TMEM8B: variants seen among roughly 807,000 people sequenced by gnomAD.
The protein encoded by TMEM8B is transmembrane protein 8B.
A neutral mutation model predicts 49.3 loss-of-function variants in TMEM8B; 29 were observed. That is an observed-to-expected ratio of 0.59 (90% CI 0.44 to 0.80). The LOEUF is 0.80. TMEM8B is among the 30% of genes least tolerant of loss of function. The pLI, the probability that TMEM8B is intolerant of heterozygous loss-of-function variation, is 0.00. For synonymous variants in TMEM8B, 264 were observed against 272.8 expected (o/e 0.97, Z 0.32); for missense variants, 575 against 658.5 (o/e 0.87, Z 1.39).
At chr9:35,838,412 C>T (rs964226798) in intron 3 of TMEM8B, among the ~76,000 whole-genome samples, 1 of 151,960 alleles carries the variant, frequency 6.6e-6, no homozygotes, top group Non-Finnish European at 1.5e-5. Flanking sequence ...TGTCTCCTTT[C>T]CTGGCCTCTC....
chr9:35,837,610 T>C (rs1443534875), intron 3 of TMEM8B, among the ~76,000 whole-genome samples: 1 of 152,108 alleles, frequency 6.6e-6, no homozygotes. Context: ...TGAAAGGTTG[T>C]AAAAAAGAAG....
rs938164938 is a variant in TMEM8B, at chr9:35,841,802, C to T, written c.1309+8C>T. ...TGTGTGTGCGGTTGCAAGGTCAGAACCCCTGCATTTGCCCCAGTCTGTGTA... is the reference window on the plus strand; with the variant it reads ...TGTGTGTGCGGTTGCAAGGTCAGAATCCCTGCATTTGCCCCAGTCTGTGTA... On this transcript the variant is annotated splice_region_variant and intron_variant, in intron 5 of 12. Coordinates refer to ENST00000643932, the MANE Select transcript of TMEM8B (RefSeq NM_001042590.4). This position sits in a 1 kb window ranked among gnomAD's most constrained non-coding sequence, Gnocchi z 5.9. 5 of 415,938 alleles carry T rather than the reference C, an allele frequency of 1.2e-5. No individual in the cohort carries two copies. In the Admixed American group the frequency reaches 1.8e-4, roughly 15 times the overall value. 25.8% of individuals were successfully genotyped at this position (415,938 alleles called of 1,614,324 possible).
chr9:35,830,839 G>A (rs1257989754), intron 1 of TMEM8B, among the ~76,000 whole-genome samples: 1 of 152,256 alleles, frequency 6.6e-6, no homozygotes, highest in Non-Finnish European at 1.5e-5. Flanking sequence ...GGACAGAAGA[G>A]AGAGAGGTCC....
Position 35,845,777 on chromosome 9 carries a change from T to C in TMEM8B, c.1636-198T>C. 3.0e-6 allele frequency: 3 copies of C among 985,400 alleles called. No homozygotes were observed. The South Asian group carries it at 1.4e-4, about 46-fold the overall frequency. The allele number at this position is 985,400 out of a possible 1,614,324, so 61.0% of individuals were successfully genotyped here. Reference sequence around the variant, plus strand: ...TGCCGTCTCATCAGTCCTTGAAAGATTTCTGCTGTGGAGGATCTGTTGTTT... The same window carrying C: ...TGCCGTCTCATCAGTCCTTGAAAGACTTCTGCTGTGGAGGATCTGTTGTTT... On this transcript the variant is annotated intron_variant, in intron 6 of 12. Transcript: ENST00000643932.
intron 3 of TMEM8B, among the ~76,000 whole-genome samples, chr9:35,840,663 T>TTGG (rs1830886415): frequency 6.6e-6 from 1 of 151,712 alleles, no homozygotes; most frequent in South Asian, 2.1e-4. Context: ...AAGGTTGAGA[T>TTGG]TGGTGGCGGG....
At chr9:35,831,432 A>T (rs1020870130) in intron 1 of TMEM8B, among the ~76,000 whole-genome samples, 5 of 152,160 alleles carry the variant, frequency 3.3e-5, no homozygotes, top group Non-Finnish European at 7.4e-5. Context: ...GCAGTGTTGC[A>T]TGCCTCCCAT....
chr9:35,854,512 C>G lies in TMEM8B; in HGVS notation c.*672C>G, dbSNP rs976152370. On this transcript the variant is annotated 3_prime_UTR_variant, in exon 13 of 13. Coordinates refer to ENST00000643932, the MANE Select transcript of TMEM8B (RefSeq NM_001042590.4). ...AGGGCCCCTCAGGGAATCAGCAGGGCTGATGGGAGCTACTGCCGGAGGCTT... is the reference window on the plus strand; with the variant it reads ...AGGGCCCCTCAGGGAATCAGCAGGGGTGATGGGAGCTACTGCCGGAGGCTT... The G allele has an allele frequency of 5.9e-5, 9 of 152,142 alleles. No individual in the cohort carries two copies. The highest frequency in any genetic ancestry group is 1.3e-4 in the Admixed American group (2 of 15,274). 9.4% of individuals were successfully genotyped at this position (152,142 alleles called of 1,614,324 possible). A position where few individuals can be genotyped will look rare whatever the true frequency, so the allele number is the denominator to read the frequency against.
In TMEM8B at chr9:35,860,926, G is replaced by A. The variant is rs559738069; in HGVS notation, c.*7086G>A. 2 of 152,420 alleles carry A rather than the reference G, an allele frequency of 1.3e-5. No homozygotes were observed. Among genetic ancestry groups the A allele is most frequent in the East Asian group, 3.9e-4 (2 of 5,186 alleles). 9.4% of individuals were successfully genotyped at this position (152,420 alleles called of 1,614,324 possible). A position where few individuals can be genotyped will look rare whatever the true frequency, so the allele number is the denominator to read the frequency against. On this transcript the variant is annotated 3_prime_UTR_variant, in exon 13 of 13. Coordinates refer to ENST00000643932, the MANE Select transcript of TMEM8B (RefSeq NM_001042590.4). ...CAGGTGACCTCCATCGCCATGCAGA[G>A]CTGCTCTCACTTCTCCTCGGGAAAG...
rs1467183769 is a variant in TMEM8B, at chr9:35,861,002, T to C, written c.*7162T>C. On this transcript the variant is annotated 3_prime_UTR_variant, in exon 13 of 13. Coordinates refer to ENST00000643932, the MANE Select transcript of TMEM8B (RefSeq NM_001042590.4). ...AAGCCCAGGTGTGTCCAGAGAACAG[T>C]AGTCTTGTTAGAACTGGAAAAATGT... 1.3e-5 allele frequency: 2 copies of C among 152,248 alleles called. No individual in the cohort carries two copies. The highest frequency in any genetic ancestry group is 2.9e-5 in the Non-Finnish European group (2 of 68,066). The allele number at this position is 152,248 out of a possible 1,614,324, so 9.4% of individuals were successfully genotyped here.
chr9:35,846,235 T>C (rs1259281119), intron 7 of TMEM8B, 23 bp from the exon 8 acceptor site: 2 of 1,613,648 alleles, frequency 1.2e-6, no homozygotes, highest in African/African-American at 1.3e-5. Context: ...TCCCTCTCAC[T>C]GACTCCTTCC....
chr9:35,841,278 G>T lies in TMEM8B; in HGVS notation c.1040+11G>T. ...CTCAGCCCTGTACAAGTAAGTCAAAGACTCCCCACACCTGGTCCTTTCCCT... is the reference window on the plus strand; with the variant it reads ...CTCAGCCCTGTACAAGTAAGTCAAATACTCCCCACACCTGGTCCTTTCCCT... On this transcript the variant is annotated intron_variant, in intron 4 of 12. Coordinates refer to ENST00000643932, the MANE Select transcript of TMEM8B (RefSeq NM_001042590.4). The surrounding 1 kb of genome is among the most constrained non-coding windows in gnomAD (Gnocchi z 5.9). 4.8e-6 allele frequency: 2 copies of T among 416,124 alleles called. No homozygotes were observed. The highest frequency in any genetic ancestry group is 7.1e-5 in the East Asian group (2 of 28,064). 25.8% of individuals were successfully genotyped at this position (416,124 alleles called of 1,614,324 possible).
chr9:35,840,128 G>A (rs1418474954), intron 3 of TMEM8B, among the ~76,000 whole-genome samples: 1 of 152,194 alleles, frequency 6.6e-6, no homozygotes. Flanking sequence ...GAGGAACTGC[G>A]ACAAATGGGA....
intron 6 of TMEM8B, chr9:35,845,767 C>T: frequency 1.0e-6 from 1 of 985,430 alleles, no homozygotes; most frequent in Non-Finnish European, 1.2e-6. Context: ...TCTCATCAGT[C>T]CTTGAAAGAT....
Position 35,842,375 on chromosome 9 carries a change from T to C in TMEM8B, c.1310-17T>C. The C allele has an allele frequency of 6.7e-7, 1 of 1,492,886 alleles. No individual in the cohort carries two copies. Among genetic ancestry groups the C allele is most frequent in the Non-Finnish European group, 8.9e-7 (1 of 1,119,418 alleles). 92.5% of individuals were successfully genotyped at this position (1,492,886 alleles called of 1,614,324 possible). On this transcript the variant is annotated splice_polypyrimidine_tract_variant and intron_variant, in intron 5 of 12. Coordinates refer to ENST00000643932, the MANE Select transcript of TMEM8B (RefSeq NM_001042590.4). This position sits in a 1 kb window ranked among gnomAD's most constrained non-coding sequence, Gnocchi z 5.6. ...TAAAGGCTGCAGGCCCAAGCTCTGG[T>C]TTCCTCTGCCCCACAGAGTGCCCAC...
In TMEM8B at chr9:35,842,840, A is replaced by G. The variant is rs1588150847; in HGVS notation, c.1635+123A>G. On this transcript the variant is annotated intron_variant, in intron 6 of 12. Coordinates refer to ENST00000643932, the MANE Select transcript of TMEM8B (RefSeq NM_001042590.4). This position sits in a 1 kb window ranked among gnomAD's most constrained non-coding sequence, Gnocchi z 5.6. ...CCAGGTTGCTCCCACCCATCCTGAC[A>G]ATTAGGGACCATGGCTCAGCCCAAT... 2.0e-6 allele frequency: 2 copies of G among 1,016,946 alleles called. No homozygotes were observed. Among genetic ancestry groups the G allele is most frequent in the East Asian group, 5.3e-5 (2 of 37,472 alleles). The allele number at this position is 1,016,946 out of a possible 1,614,324, so 63.0% of individuals were successfully genotyped here.
In TMEM8B at chr9:35,829,257, C is replaced by G. The variant is rs1188402501; in HGVS notation, c.-191C>G. The G allele has an allele frequency of 2.8e-6, 1 of 353,824 alleles. No homozygotes were observed. Among genetic ancestry groups the G allele is most frequent in the Non-Finnish European group, 5.1e-6 (1 of 196,494 alleles). 21.9% of individuals were successfully genotyped at this position (353,824 alleles called of 1,614,324 possible). On this transcript the variant is annotated 5_prime_UTR_variant, in exon 1 of 13. Transcript: ENST00000643932. ...CGACGTCAAGTCGAGGCCGCCGCCG[C>G]GGGGCCTGGTTATCGCCGGTTCAGC...
rs756601635 is a variant in TMEM8B, at chr9:35,852,811, T to C, written c.2176-16T>C. 16 of 1,614,064 alleles carry C rather than the reference T, an allele frequency of 9.9e-6. No individual in the cohort carries two copies. The highest frequency in any genetic ancestry group is 1.7e-5 in the Admixed American group (1 of 60,022). The stretch of plus-strand genomic sequence containing the variant: ...CTGCCTCAAGTTCTCTCAATGCCTG[T>C]CATTTCTTCCTTCAGTTCTATCATG... On this transcript the variant is annotated splice_polypyrimidine_tract_variant and intron_variant, in intron 10 of 12. Transcript: ENST00000643932.
intron 10 of TMEM8B, among the ~76,000 whole-genome samples, chr9:35,851,740 C>A (rs948401119): frequency 1.5e-4 from 23 of 152,152 alleles, no homozygotes; most frequent in African/African-American, 5.6e-4. Flanking sequence ...TTTCCTGATG[C>A]CAATTTATAT....
In TMEM8B at chr9:35,860,157, T is replaced by G. The variant is rs1832625453; in HGVS notation, c.*6317T>G. ...ACTTCAGATCTGCAATCTGGCCTTC[T>G]CAGCGCTGCAGTTCTGTGGACGTCA... is the stretch of plus-strand genomic sequence containing the variant. On this transcript the variant is annotated 3_prime_UTR_variant, in exon 13 of 13. Coordinates refer to ENST00000643932, the MANE Select transcript of TMEM8B (RefSeq NM_001042590.4). 1 of 152,268 alleles carries G rather than the reference T, an allele frequency of 6.6e-6. No homozygotes were observed. Among genetic ancestry groups the G allele is most frequent in the Non-Finnish European group, 1.5e-5 (1 of 68,074 alleles). The allele number at this position is 152,268 out of a possible 1,614,324, so 9.4% of individuals were successfully genotyped here. A position where few individuals can be genotyped will look rare whatever the true frequency, so the allele number is the denominator to read the frequency against.
Sources: allele counts gnomAD v4.1 joint callset (sites outside exome capture counted in the v4.1 genomes callset), GRCh38; gene constraint gnomAD v4.1.1; non-coding constraint Gnocchi (gnomAD v3.1); transcripts MANE v1.5; gene names NCBI Gene and HGNC (gene_info 2026-07-23, HGNC 2026-07-21).